The following ERICH5 variants were observed in gnomAD, a reference collection of about 807,000 sequenced individuals.
ERICH5 encodes glutamate rich 5.
A neutral mutation model predicts 28.0 loss-of-function variants in ERICH5; 24 were observed. That is an observed-to-expected ratio of 0.86 (90% CI 0.62 to 1.21). ERICH5 has a LOEUF of 1.21. ERICH5 is among the 50% of genes most tolerant of loss of function. ERICH5 has a pLI of 0.00. For missense variants in ERICH5, 421 were observed against 441.2 expected (o/e 0.95, Z 0.41); for synonymous variants, 163 against 157.6 (o/e 1.03, Z -0.25).
At chr8:98,079,166 C>CTTTTTTTTTTTTTTTTTT (rs528062932) in intron 1 of ERICH5, among the ~76,000 whole-genome samples, 1 of 75,576 alleles carries the variant, frequency 1.3e-5, no homozygotes. Flanking sequence ...TTTTTTTTTC[C>CTTTTTTTTTTTTTTTTTT]TTTTTTTTTT....
chr8:98,073,403 CCTCT>C (rs372150799), intron 1 of ERICH5, among the ~76,000 whole-genome samples: 315 of 26,820 alleles, frequency 0.012, 21 homozygotes, highest in African/African-American at 0.024. Flanking sequence ...ATAGTGAGAC[CCTCT>C]CTCTCTCTCT....
chr8:98,091,900 C>CTTTCTTTT lies in ERICH5; in HGVS notation c.1013-1321_1013-1320insTTTCTTTT. On this transcript the variant is annotated intron_variant, in intron 2 of 2. Transcript: ENST00000318528. ...TCTTTCTTTCTTTCTTTCTTTCTTT[C>CTTTCTTTT]CTTTCTTTCTTTCTTTCTTCCTTTC... is the stretch of plus-strand genomic sequence containing the variant. Among the ~76,000 whole-genome samples the CTTTCTTTT allele has an allele frequency of 1.6e-3, 123 of 74,706 alleles. 2 individuals carry two copies. The highest frequency in any genetic ancestry group is 3.7e-3 in the South Asian group (8 of 2,180). The allele number at this position is 74,706 out of a possible 152,430, so 49.0% of individuals were successfully genotyped here. A position where few individuals can be genotyped will look rare whatever the true frequency, so the allele number is the denominator to read the frequency against.
Position 98,073,687 on chromosome 8 carries a change from C to T in ERICH5, c.58+8960C>T, listed in dbSNP as rs533925777. Among the ~76,000 whole-genome samples, 9 of 148,566 alleles carry T rather than the reference C, an allele frequency of 6.1e-5. No homozygotes were observed. In the South Asian group the frequency reaches 6.5e-4, roughly 11 times the overall value. On this transcript the variant is annotated intron_variant, in intron 1 of 2. Coordinates refer to ENST00000318528, the MANE Select transcript of ERICH5 (RefSeq NM_173549.3). ...CGTCCGGAGTAGCTGGGATTACAGA[C>T]GGGTGCCACCATGCCCGGCTAATTT...
chr8:98,093,051 G>A (rs1815435572), intron 2 of ERICH5, among the ~76,000 whole-genome samples, 170 bp from the exon 3 acceptor site: 1 of 152,178 alleles, frequency 6.6e-6, no homozygotes, highest in African/African-American at 2.4e-5. Context: ...TGGATTACAG[G>A]TGTTAGCCAC....
intron 1 of ERICH5, among the ~76,000 whole-genome samples, chr8:98,070,871 A>G (rs1814904915): frequency 1.3e-5 from 2 of 152,068 alleles, no homozygotes; most frequent in Admixed American, 1.3e-4. Context: ...AATATTGGCC[A>G]AGATGGGCTT....
At chr8:98,066,725 T>C (rs976135793) in intron 1 of ERICH5, among the ~76,000 whole-genome samples, 41 of 152,274 alleles carry the variant, frequency 2.7e-4, no homozygotes, top group Admixed American at 2.6e-3. Flanking sequence ...AATCAACAGG[T>C]CTATTTGCTT....
chr8:98,066,277 A>C (rs1451123754), intron 1 of ERICH5, among the ~76,000 whole-genome samples: 1 of 152,198 alleles, frequency 6.6e-6, no homozygotes, highest in Non-Finnish European at 1.5e-5. Context: ...TGAAAAGCCG[A>C]GGGAAAACAG....
In ERICH5 at chr8:98,067,296, A is replaced by G. The variant is rs1336611510; in HGVS notation, c.58+2569A>G. Among the ~76,000 whole-genome samples the G allele has an allele frequency of 3.3e-5, 5 of 151,816 alleles. No individual in the cohort carries two copies. The East Asian group carries it at 9.7e-4, about 29-fold the overall frequency. ...AAAATTTTTGTAAAAAAATTAAAAC[A>G]TGTATTTCAGGGAATGTAACTCTTG... is the stretch of plus-strand genomic sequence containing the variant. On this transcript the variant is annotated intron_variant, in intron 1 of 2. Transcript: ENST00000318528.
chr8:98,076,254 A>G (rs1384345046), intron 1 of ERICH5, among the ~76,000 whole-genome samples: 4 of 151,888 alleles, frequency 2.6e-5, no homozygotes, highest in East Asian at 1.9e-4. Flanking sequence ...GGATTTCACT[A>G]TGTTGGCCAG....
intron 2 of ERICH5, among the ~76,000 whole-genome samples, chr8:98,091,980 C>A (rs147319511): frequency 0.029 from 267 of 9,348 alleles, 4 homozygotes; most frequent in African/African-American, 0.074. Flanking sequence ...TCTTTTTCTT[C>A]TCTCTCTCTC....
In ERICH5 at chr8:98,079,450, AC is replaced by A. The variant is rs1815131223; in HGVS notation, c.59-9625del. The stretch of plus-strand genomic sequence containing the variant: ...AATCAAAGCCAGCAAACAGAATGAA[AC>A]ATTTATTTATATATAATTTATGAAT... On this transcript the variant is annotated intron_variant, in intron 1 of 2. Transcript: ENST00000318528. Among the ~76,000 whole-genome samples, 3 of 152,148 alleles carry A rather than the reference AC, an allele frequency of 2.0e-5. No homozygotes were observed. The South Asian group carries it at 6.2e-4, about 32-fold the overall frequency.
intron 1 of ERICH5, among the ~76,000 whole-genome samples, chr8:98,073,535 T>C (rs1311475083): frequency 3.0e-5 from 1 of 33,816 alleles, no homozygotes; most frequent in Admixed American, 5.5e-4. Flanking sequence ...TATATATATA[T>C]ATATATATAT....
rs58330802 is a variant in ERICH5 at position 98,076,390 on chromosome 8, CTT to C, written c.58+11678_58+11679del. ...AATTTCAGAAGAGAAATTAGAAGGC[CTT>C]TTTTTTTTTTTTTTCCTCGTGATCT... On this transcript the variant is annotated intron_variant, in intron 1 of 2. Transcript: ENST00000318528. Among the ~76,000 whole-genome samples, 22 of 143,176 alleles carry C rather than the reference CTT, an allele frequency of 1.5e-4. No homozygotes were observed. In the East Asian group the frequency reaches 2.6e-3, roughly 17 times the overall value. 93.9% of individuals were successfully genotyped at this position (143,176 alleles called of 152,430 possible). A position where few individuals can be genotyped will look rare whatever the true frequency, so the allele number is the denominator to read the frequency against.
At chr8:98,072,939 G>C (rs1458714250) in intron 1 of ERICH5, among the ~76,000 whole-genome samples, 9 of 152,044 alleles carry the variant, frequency 5.9e-5, no homozygotes, top group Non-Finnish European at 1.2e-4. Context: ...ATAAACCACA[G>C]AGTTTCTTTT....
intron 2 of ERICH5, among the ~76,000 whole-genome samples, chr8:98,091,990 C>G (rs1202991956): frequency 7.4e-6 from 1 of 135,132 alleles, no homozygotes; most frequent in African/African-American, 2.8e-5. Context: ...CTCTCTCTCT[C>G]TCCCCTTCCT....
intron 1 of ERICH5, among the ~76,000 whole-genome samples, chr8:98,065,444 T>G (rs1814803408): frequency 1.3e-5 from 2 of 152,206 alleles, no homozygotes; most frequent in African/African-American, 4.8e-5. Flanking sequence ...TGACTCTTGC[T>G]GAAGAAACTC....
chr8:98,084,028 A>T (rs1157857769), intron 1 of ERICH5, among the ~76,000 whole-genome samples: 3 of 151,282 alleles, frequency 2.0e-5, no homozygotes, highest in African/African-American at 7.3e-5. Flanking sequence ...TTACAGGTTC[A>T]CACCACCATG....
At chr8:98,076,262 C>G (rs1169564724) in intron 1 of ERICH5, among the ~76,000 whole-genome samples, 1 of 151,834 alleles carries the variant, frequency 6.6e-6, no homozygotes. Flanking sequence ...CTATGTTGGC[C>G]AGGCTGGTCT....
In ERICH5 at chr8:98,085,136, C is replaced by CTTTTTTTTT. The variant is rs760470751; in HGVS notation, c.59-3906_59-3898dup. Among the ~76,000 whole-genome samples the CTTTTTTTTT allele has an allele frequency of 8.7e-4, 50 of 57,316 alleles. 13 individuals are homozygous for CTTTTTTTTT. Among genetic ancestry groups the CTTTTTTTTT allele is most frequent in the Non-Finnish European group, 1.6e-3 (45 of 28,400 alleles). The allele number at this position is 57,316 out of a possible 152,430, so 37.6% of individuals were successfully genotyped here. On this transcript the variant is annotated intron_variant, in intron 1 of 2. Coordinates refer to ENST00000318528, the MANE Select transcript of ERICH5 (RefSeq NM_173549.3). Reference sequence around the variant, plus strand: ...TTCCCTGGTGTGAACGTTCCACAGCCTTTTTTTTTTTTTTTTTTTTTTTTT... The same window carrying CTTTTTTTTT: ...TTCCCTGGTGTGAACGTTCCACAGCCTTTTTTTTTTTTTTTTTTTTTTTTTTTTTTTTTT...
Sources: allele counts gnomAD v4.1 joint callset (sites outside exome capture counted in the v4.1 genomes callset), GRCh38; gene constraint gnomAD v4.1.1; transcripts MANE v1.5; gene names NCBI Gene and HGNC (gene_info 2026-07-23, HGNC 2026-07-21).